Variants in PDHX observed in about 807,000 individuals in gnomAD.
PDHX encodes the protein pyruvate dehydrogenase protein X component, mitochondrial.
PDHX carries 33 observed loss-of-function variants against 55.3 expected under a neutral mutation model. The ratio of observed to expected loss-of-function variants is 0.60; its 90% CI spans 0.45 to 0.80. The LOEUF is 0.80. PDHX is among the 30% of genes least tolerant of loss of function. The pLI, the probability that PDHX is intolerant of heterozygous loss-of-function variation, is 0.00. For synonymous variants in PDHX, 226 were observed against 219.4 expected, an observed-to-expected ratio of 1.03 and a Z score of -0.27; for missense variants, 622 against 619.9, an observed-to-expected ratio of 1.00 and a Z score of -0.04.
intron 1 of PDHX, 96 bp from the exon 2 acceptor site, chr11:34,931,308 C>G (rs1854158240): frequency 8.1e-6 from 6 of 738,176 alleles, no homozygotes; most frequent in Non-Finnish European, 1.5e-5. Flanking sequence ...CCTTCTTTTT[C>G]AAATTGAATT....
At chr11:34,952,450 T>C (rs528878903) in intron 3 of PDHX, among the ~76,000 whole-genome samples, 4 of 152,182 alleles carry the variant, frequency 2.6e-5, no homozygotes, top group Admixed American at 6.5e-5. Flanking sequence ...AATAAAATAC[T>C]GGCAAACCGA....
chr11:34,984,547 C>T (rs1222311768), intron 8 of PDHX, 23 bp from the exon 9 acceptor site: 1 of 1,612,422 alleles, frequency 6.2e-7, no homozygotes, highest in Non-Finnish European at 8.5e-7. Flanking sequence ...TTTTTAGTAA[C>T]ATTTTTCTTT....
intron 3 of PDHX, among the ~76,000 whole-genome samples, chr11:34,948,038 T>C (rs1385592052): frequency 6.6e-6 from 1 of 152,230 alleles, no homozygotes; most frequent in Admixed American, 6.5e-5. Context: ...TGATTCATGT[T>C]ATATCTAAAA....
intron 8 of PDHX, among the ~76,000 whole-genome samples, chr11:34,980,733 T>C (rs1418342167): frequency 6.6e-6 from 1 of 152,100 alleles, no homozygotes; most frequent in Non-Finnish European, 1.5e-5. Context: ...GAAATGAGCG[T>C]AGCATGACAG....
chr11:34,969,191 A>T (rs1490185474), intron 6 of PDHX, among the ~76,000 whole-genome samples: 1 of 152,106 alleles, frequency 6.6e-6, no homozygotes, highest in African/African-American at 2.4e-5. Context: ...TGTGATGTTC[A>T]GTATGTTAGG....
chr11:34,916,200 T>A, upstream of PDHX: 1 of 1,603,318 alleles, frequency 6.2e-7, no homozygotes, highest in Non-Finnish European at 8.5e-7. Flanking sequence ...CTCCTGGGAA[T>A]ACCGGGCACC....
rs12289218 is a variant in PDHX, at chr11:34,931,508, C to A, written c.241+24C>A. Reference sequence around the variant, plus strand: ...AGGTGAGGAGGTACCTTCCTAATGTCCTGTGTGCTTTGTTATTTGGTTATT... The same window carrying A: ...AGGTGAGGAGGTACCTTCCTAATGTACTGTGTGCTTTGTTATTTGGTTATT... On this transcript the variant is annotated intron_variant, in intron 2 of 10. Transcript: ENST00000227868. 159,405 of 1,317,184 alleles carry A rather than the reference C, an allele frequency of 0.12. 12,724 individuals carry two copies. Among genetic ancestry groups the A allele is most frequent in the African/African-American group, 0.38 (25,721 of 66,948 alleles). The allele number at this position is 1,317,184 out of a possible 1,614,324, so 81.6% of individuals were successfully genotyped here. A position where few individuals can be genotyped will look rare whatever the true frequency, so the allele number is the denominator to read the frequency against.
chr11:34,916,910 A>G (rs1590721926), intron 1 of PDHX, 95 bp downstream of exon 1: 4 of 1,208,056 alleles, frequency 3.3e-6, no homozygotes, highest in East Asian at 5.1e-5. Flanking sequence ...TTGGGTGTGA[A>G]GGTGCGCGGG....
At chr11:34,937,948 G>T (rs932439932) in intron 2 of PDHX, among the ~76,000 whole-genome samples, 2 of 152,226 alleles carry the variant, frequency 1.3e-5, no homozygotes, top group African/African-American at 4.8e-5. Context: ...TTTTAGGAGT[G>T]AAGTCAGTAG....
intron 2 of PDHX, chr11:34,942,052 A>T (rs1470266963): frequency 6.6e-6 from 1 of 152,390 alleles, no homozygotes; most frequent in African/African-American, 2.4e-5. Flanking sequence ...GCTGTCCAGG[A>T]CCCTCTATCC....
At chr11:34,973,633 G>A (rs1320334102) in intron 7 of PDHX, among the ~76,000 whole-genome samples, 4 of 151,912 alleles carry the variant, frequency 2.6e-5, no homozygotes, top group South Asian at 2.1e-4. Flanking sequence ...GCTTCAAATT[G>A]TATTACACCC....
At chr11:34,929,144 A>G (rs1481857131) in intron 1 of PDHX, among the ~76,000 whole-genome samples, 3 of 72,624 alleles carry the variant, frequency 4.1e-5, no homozygotes, top group Admixed American at 1.2e-4. Flanking sequence ...CATTGTGGCT[A>G]TTTTTCCTCC....
chr11:34,948,289 A>G (rs934513874), intron 3 of PDHX, among the ~76,000 whole-genome samples: 2 of 152,124 alleles, frequency 1.3e-5, no homozygotes, highest in African/African-American at 4.8e-5. Flanking sequence ...GTCAGTCTGT[A>G]TGTTTGCCTA....
Position 34,917,644 on chromosome 11 carries a change from G to A in PDHX, c.160+829G>A, listed in dbSNP as rs1348765682. Among the ~76,000 whole-genome samples, 3 of 151,918 alleles carry A rather than the reference G, an allele frequency of 2.0e-5. No homozygotes were observed. In the East Asian group the frequency reaches 5.8e-4, roughly 29 times the overall value. ...ACAGAATGAATTTTAATTTAAATAG[G>A]TCTAGTAGACGTTGCCTTCATATTC... On this transcript the variant is annotated intron_variant, in intron 1 of 10. Coordinates refer to ENST00000227868, the MANE Select transcript of PDHX (RefSeq NM_003477.3).
intron 9 of PDHX, among the ~76,000 whole-genome samples, chr11:34,985,493 A>T (rs1855621222): frequency 6.6e-6 from 1 of 152,164 alleles, no homozygotes; most frequent in South Asian, 2.1e-4. Context: ...TTTTTTCAGG[A>T]TTTCTTGAAA....
chr11:34,985,848 A>G (rs916953122), intron 9 of PDHX, among the ~76,000 whole-genome samples: 1 of 152,228 alleles, frequency 6.6e-6, no homozygotes, highest in African/African-American at 2.4e-5. Context: ...GTGCAAGTTA[A>G]TCTGGTTTTA....
chr11:34,977,265 T>C (rs545561330), intron 7 of PDHX, among the ~76,000 whole-genome samples: 39 of 152,278 alleles, frequency 2.6e-4, no homozygotes, highest in African/African-American at 8.9e-4. Flanking sequence ...TCTTAGAGTC[T>C]TTTTCTATAA....
chr11:34,931,725 T>C (rs760757627), intron 2 of PDHX, among the ~76,000 whole-genome samples: 21 of 152,042 alleles, frequency 1.4e-4, no homozygotes, highest in Non-Finnish European at 2.9e-4. Flanking sequence ...TTTTAAGGCT[T>C]TTTCCCCAAC....
chr11:34,919,488 G>A (rs191059623), intron 1 of PDHX, among the ~76,000 whole-genome samples: 1 of 152,252 alleles, frequency 6.6e-6, no homozygotes, highest in African/African-American at 2.4e-5. Flanking sequence ...GCATTTTTAT[G>A]AGCTATGACA....
Sources: allele counts gnomAD v4.1 joint callset (sites outside exome capture counted in the v4.1 genomes callset), GRCh38; gene constraint gnomAD v4.1.1; transcripts MANE v1.5; gene names NCBI Gene and HGNC (gene_info 2026-07-23, HGNC 2026-07-21).